Variants in SCN9A observed in about 807,000 individuals in gnomAD.
SCN9A encodes the protein sodium channel protein type 9 subunit alpha.
SCN9A carries 131 observed loss-of-function variants against 187.0 expected under a neutral mutation model. The observed-to-expected ratio is 0.70, with a 90% CI of 0.61 to 0.81. The LOEUF is 0.81. Among genes scored for constraint, SCN9A ranks in the 30% least tolerant of loss-of-function variants. SCN9A has a pLI of 0.00. For missense variants in SCN9A, 2,252 were observed against 2,396.6 expected (o/e 0.94, Z 1.26); for synonymous variants, 809 against 808.6 (o/e 1.00, Z -0.01).
chr2:166,198,048 T>C lies in SCN9A; in HGVS notation c.*624A>G, dbSNP rs1322517079. 1.3e-5 allele frequency: 2 copies of C among 152,202 alleles called. No individual in the cohort carries two copies. Among genetic ancestry groups the C allele is most frequent in the Admixed American group, 6.6e-5 (1 of 15,266 alleles). 9.4% of individuals were successfully genotyped at this position (152,202 alleles called of 1,614,324 possible). A position where few individuals can be genotyped will look rare whatever the true frequency, so the allele number is the denominator to read the frequency against. On this transcript the variant is annotated 3_prime_UTR_variant, in exon 27 of 27. Transcript: ENST00000642356. ...AATGAAAAACATTTGTAGAAATGAA[T>C]AGCCTACATATATTTTTAATCCCAT... is the stretch of plus-strand genomic sequence containing the variant.
intron 21 of SCN9A, among the ~76,000 whole-genome samples, chr2:166,232,478 C>A (rs79900098): frequency 0.065 from 9,958 of 152,142 alleles, 374 homozygotes; most frequent in Non-Finnish European, 0.089. Context: ...ATGCTCCTTA[C>A]CCAGGTAGTT....
At chr2:166,214,201 G>A (rs560988691) in intron 24 of SCN9A, among the ~76,000 whole-genome samples, 1 of 152,184 alleles carries the variant, frequency 6.6e-6, no homozygotes, top group African/African-American at 2.4e-5. Context: ...CATGCTTGAG[G>A]AATGGCAGAG....
Position 166,319,610 on chromosome 2 carries a change from GTTT to G in SCN9A, c.-50-7807_-50-7805del, listed in dbSNP as rs1371212454. ...TCCTCTAGATCAAACCATGTTACTT[GTTT>G]TAAAATGAAAAATACATACATAATT... On this transcript the variant is annotated intron_variant, in intron 1 of 26. Coordinates refer to ENST00000642356, the MANE Select transcript of SCN9A (RefSeq NM_001365536.1). 3.9e-5 allele frequency among the ~76,000 whole-genome samples: 6 copies of G among 152,130 alleles called. No individual in the cohort carries two copies. The East Asian group carries it at 1.2e-3, about 29-fold the overall frequency.
At chr2:166,365,888 A>G (rs944454994) in intron 1 of SCN9A, among the ~76,000 whole-genome samples, 5 of 152,282 alleles carry the variant, frequency 3.3e-5, no homozygotes, top group Non-Finnish European at 7.4e-5. Context: ...GTTCATTGCT[A>G]TATCTGATGT....
chr2:166,312,236 A>G (rs1698983392), intron 1 of SCN9A, among the ~76,000 whole-genome samples: 1 of 152,176 alleles, frequency 6.6e-6, no homozygotes, highest in Non-Finnish European at 1.5e-5. Context: ...CTCTGCTGTC[A>G]CTTCAACAAT....
At chr2:166,237,987 G>A in intron 20 of SCN9A, 107 bp downstream of exon 20, 1 of 749,458 alleles carries the variant, frequency 1.3e-6, no homozygotes, top group Non-Finnish European at 2.2e-6. Flanking sequence ...GAAAATATAT[G>A]AAGCTTAACA....
intron 1 of SCN9A, among the ~76,000 whole-genome samples, chr2:166,338,241 C>T (rs1699677065): frequency 6.6e-6 from 1 of 152,106 alleles, no homozygotes; most frequent in Non-Finnish European, 1.5e-5. Flanking sequence ...TCAATTGTAA[C>T]AACTGCAACT....
At chr2:166,294,184 G>A (rs1310898055) in intron 8 of SCN9A, among the ~76,000 whole-genome samples, 1 of 152,116 alleles carries the variant, frequency 6.6e-6, no homozygotes, top group African/African-American at 2.4e-5. Context: ...TGCTTAGAGT[G>A]GCCAAAACAT....
intron 24 of SCN9A, among the ~76,000 whole-genome samples, chr2:166,213,977 C>T (rs563024498): frequency 3.3e-5 from 5 of 152,172 alleles, no homozygotes; most frequent in Non-Finnish European, 5.9e-5. Flanking sequence ...TTTGCAGCTA[C>T]TTCCCAAGGG....
intron 17 of SCN9A, among the ~76,000 whole-genome samples, chr2:166,258,202 G>A (rs1479534584): frequency 6.6e-6 from 1 of 151,330 alleles, no homozygotes; most frequent in East Asian, 1.9e-4. Flanking sequence ...AACAAAGTAT[G>A]CTAAAATTAA....
intron 7 of SCN9A, among the ~76,000 whole-genome samples, chr2:166,297,553 A>T (rs567436769): frequency 2.0e-5 from 3 of 152,256 alleles, no homozygotes; most frequent in Admixed American, 2.0e-4. Flanking sequence ...TTAAATCTAC[A>T]GAGTGGGTAA....
intron 26 of SCN9A, 111 bp from the exon 27 acceptor site, chr2:166,199,975 G>GTTGT: frequency 1.3e-5 from 1 of 79,332 alleles, no homozygotes; most frequent in East Asian, 1.7e-4. Context: ...ATTCAAGACA[G>GTTGT]TTTTTTTTTT....
At chr2:166,306,020 A>G in intron 4 of SCN9A, 100 bp from the exon 5 acceptor site, 2 of 1,379,166 alleles carry the variant, frequency 1.5e-6, no homozygotes, top group South Asian at 2.6e-5. Flanking sequence ...TGGAAGACAT[A>G]TATTGGAGGA....
intron 24 of SCN9A, among the ~76,000 whole-genome samples, chr2:166,218,699 A>G (rs1265771458): frequency 2.0e-5 from 3 of 152,190 alleles, no homozygotes; most frequent in Non-Finnish European, 4.4e-5. Context: ...CAACTGCAAC[A>G]AAAACAAAAA....
intron 20 of SCN9A, among the ~76,000 whole-genome samples, chr2:166,235,678 G>GA (rs60341533): frequency 0.033 from 4,688 of 142,814 alleles, 207 homozygotes; most frequent in African/African-American, 0.1. Context: ...ATACTTTTCA[G>GA]AAAAAAAAAA....
intron 18 of SCN9A, chr2:166,249,230 C>T: frequency 6.6e-6 from 1 of 152,028 alleles, no homozygotes. Flanking sequence ...AGTTCTTCCC[C>T]CTCACTCTTG....
At chr2:166,210,232 C>T (rs1020980227) in intron 24 of SCN9A, among the ~76,000 whole-genome samples, 1 of 152,034 alleles carries the variant, frequency 6.6e-6, no homozygotes, top group Non-Finnish European at 1.5e-5. Context: ...TGCACTTTCT[C>T]ACTCATAGGT....
At chr2:166,200,041 A>G (rs1693426762) in intron 26 of SCN9A, among the ~76,000 whole-genome samples, 177 bp from the exon 27 acceptor site, 1 of 103,220 alleles carries the variant, frequency 9.7e-6, no homozygotes, top group Non-Finnish European at 1.8e-5. Flanking sequence ...TCTGTCGCCC[A>G]GGCTGGAGTG....
intron 17 of SCN9A, among the ~76,000 whole-genome samples, chr2:166,259,692 C>A (rs1215315663): frequency 1.3e-5 from 2 of 151,682 alleles, no homozygotes; most frequent in Admixed American, 1.3e-4. Flanking sequence ...ATTAGCATTT[C>A]TTGATTGACT....
Sources: gnomAD v4.1 joint callset for allele counts (sites outside exome capture counted in the v4.1 genomes callset) on GRCh38, gnomAD v4.1.1 for gene constraint, MANE v1.5 for transcripts, NCBI Gene and HGNC (gene_info 2026-07-23, HGNC 2026-07-21) for gene names.